LRP1B: variants seen among roughly 807,000 people sequenced by gnomAD.
The protein encoded by LRP1B is low-density lipoprotein receptor-related protein 1B.
In LRP1B, 217 loss-of-function variants were observed where a neutral mutation model predicts 556.6. The ratio of observed to expected loss-of-function variants is 0.39; its 90% CI spans 0.35 to 0.44. LRP1B has a LOEUF of 0.44. Among genes scored for constraint, LRP1B ranks in the 20% least tolerant of loss-of-function variants. The pLI, the probability that LRP1B is intolerant of heterozygous loss-of-function variation, is 1.00. For missense variants in LRP1B, 5,053 were observed against 5,620.8 expected (o/e 0.90, Z 3.23); for synonymous variants, 2,047 against 1,865.8 (o/e 1.10, Z -2.50).
At chr2:140,548,855 G>T (rs1680442499) in intron 43 of LRP1B, among the ~76,000 whole-genome samples, 2 of 152,154 alleles carry the variant, frequency 1.3e-5, no homozygotes, top group South Asian at 2.1e-4. Flanking sequence ...AACCCGGGAG[G>T]CAAAGGTTGC....
At chr2:140,700,715 T>A (rs571009638) in intron 40 of LRP1B, 94 bp from the exon 41 acceptor site, 1 of 1,266,864 alleles carries the variant, frequency 7.9e-7, no homozygotes, top group African/African-American at 1.5e-5. Flanking sequence ...AAAACTTTGA[T>A]GTTGAATATT....
At position 140,485,486 on chromosome 2, in the gene LRP1B, G is replaced by T. The variant is rs566959323; in HGVS notation, c.9282C>A (p.Val3094=). Residue 3094 remains valine (V), a synonymous_variant, in exon 59 of 91, where the codon GTC becomes GTA. Coordinates refer to ENST00000389484, the MANE Select transcript of LRP1B (RefSeq NM_018557.3). ...HNTAVPNALA[V]DWIGKNLYWS... ...AATAGAGGTTTTTTCCAATCCAATCGACAGCAAGTGCATTGGGGACCGCTG... is the reference window on the plus strand; with the variant it reads ...AATAGAGGTTTTTTCCAATCCAATCTACAGCAAGTGCATTGGGGACCGCTG... The T allele has an allele frequency of 1.1e-5, 18 of 1,613,582 alleles. No individual in the cohort carries two copies. The highest frequency in any genetic ancestry group is 1.5e-5 in the Non-Finnish European group (18 of 1,179,746).
intron 20 of LRP1B, among the ~76,000 whole-genome samples, chr2:140,941,631 A>G (rs1695406243): frequency 1.3e-5 from 2 of 152,196 alleles, no homozygotes; most frequent in Non-Finnish European, 2.9e-5. Flanking sequence ...TTCAACATGC[A>G]ATACCAGTGA....
chr2:140,533,062 C>T (rs1420450576), intron 47 of LRP1B, among the ~76,000 whole-genome samples: 1 of 150,946 alleles, frequency 6.6e-6, no homozygotes. Flanking sequence ...GCATTGCACT[C>T]AATAAAGTGT....
chr2:142,026,443 A>G (rs188961414), intron 1 of LRP1B, among the ~76,000 whole-genome samples: 248 of 152,208 alleles, frequency 1.6e-3, no homozygotes, highest in African/African-American at 5.7e-3. Flanking sequence ...AATCTATGTG[A>G]TAAATAACAC....
intron 41 of LRP1B, among the ~76,000 whole-genome samples, chr2:140,624,503 G>A (rs1431515596): frequency 1.3e-5 from 2 of 152,052 alleles, no homozygotes; most frequent in African/African-American, 4.8e-5. Context: ...CCCCACCCCA[G>A]GTTAATATCC....
At chr2:140,432,611 C>T (rs1332037370) in intron 66 of LRP1B, among the ~76,000 whole-genome samples, 2 of 152,192 alleles carry the variant, frequency 1.3e-5, no homozygotes, top group Non-Finnish European at 2.9e-5. Context: ...GATCTGCTTC[C>T]TGAAGTAGAA....
At chr2:141,421,495 C>G (rs2104964316) in intron 3 of LRP1B, among the ~76,000 whole-genome samples, 1 of 146,294 alleles carries the variant, frequency 6.8e-6, no homozygotes, top group South Asian at 2.2e-4. Flanking sequence ...CGCCACTGCA[C>G]TCCAGCCTGG....
intron 7 of LRP1B, among the ~76,000 whole-genome samples, chr2:141,162,658 A>T (rs1450366061): frequency 3.3e-5 from 5 of 152,160 alleles, no homozygotes; most frequent in Non-Finnish European, 7.4e-5. Context: ...CAAAATAACT[A>T]AAGAGACTTC....
chr2:140,970,581 T>C (rs971193073), intron 18 of LRP1B, among the ~76,000 whole-genome samples: 1 of 152,074 alleles, frequency 6.6e-6, no homozygotes, highest in Non-Finnish European at 1.5e-5. Flanking sequence ...CGTTCCTCAG[T>C]TGGAAATGCA....
At chr2:141,096,859 G>T (rs1365233086) in intron 7 of LRP1B, among the ~76,000 whole-genome samples, 2 of 152,082 alleles carry the variant, frequency 1.3e-5, no homozygotes, top group Non-Finnish European at 2.9e-5. Context: ...ACTTCCGGAG[G>T]CCTGTAGAAA....
chr2:141,204,754 T>C (rs373591734), intron 6 of LRP1B, among the ~76,000 whole-genome samples: 3 of 152,058 alleles, frequency 2.0e-5, no homozygotes, highest in African/African-American at 7.2e-5. Flanking sequence ...CTGGCCAAGA[T>C]GGTGAAACCC....
At position 141,351,543 on chromosome 2, in the gene LRP1B, G is replaced by A. The variant is rs75861401; in HGVS notation, c.344-96902C>T. 2.7e-3 allele frequency among the ~76,000 whole-genome samples: 410 copies of A among 151,996 alleles called. 2 individuals carry two copies. The East Asian group carries it at 0.027, about 10-fold the overall frequency. On this transcript the variant is annotated intron_variant, in intron 3 of 90. Coordinates refer to ENST00000389484, the MANE Select transcript of LRP1B (RefSeq NM_018557.3). ...TTTCTCTCAGGAAGTTTTCCCTGAC[G>A]ACCAGAATCCATTGTGTAACCCTCA...
intron 66 of LRP1B, among the ~76,000 whole-genome samples, chr2:140,398,153 A>G (rs1684334141): frequency 6.6e-6 from 1 of 152,202 alleles, no homozygotes; most frequent in African/African-American, 2.4e-5. Flanking sequence ...TTATAACCAC[A>G]GTTAGCAAAT....
intron 43 of LRP1B, among the ~76,000 whole-genome samples, chr2:140,589,331 T>C (rs1184095892): frequency 1.3e-5 from 2 of 152,046 alleles, no homozygotes; most frequent in African/African-American, 4.8e-5. Context: ...AAATAACTCA[T>C]AAACTGTAAG....
intron 65 of LRP1B, 94 bp from the exon 66 acceptor site, chr2:140,442,717 C>A: frequency 8.0e-7 from 1 of 1,247,508 alleles, no homozygotes; most frequent in South Asian, 1.4e-5. Flanking sequence ...GACAGTTTAT[C>A]GAAAAATGTA....
At chr2:140,630,844 T>C (rs1438433291) in intron 41 of LRP1B, among the ~76,000 whole-genome samples, 1 of 152,174 alleles carries the variant, frequency 6.6e-6, no homozygotes, top group Non-Finnish European at 1.5e-5. Context: ...GTGTCTCACC[T>C]AAGGAGTTGG....
intron 1 of LRP1B, among the ~76,000 whole-genome samples, chr2:141,940,879 C>A (rs970224016): frequency 1.3e-5 from 2 of 152,160 alleles, no homozygotes; most frequent in Non-Finnish European, 2.9e-5. Flanking sequence ...AGATGCCAAA[C>A]CTTGTCTGCA....
At chr2:141,620,503 C>T (rs1173090338) in intron 2 of LRP1B, among the ~76,000 whole-genome samples, 1 of 152,132 alleles carries the variant, frequency 6.6e-6, no homozygotes, top group African/African-American at 2.4e-5. Flanking sequence ...AGGTTTTATT[C>T]TCTCTCTAGA....
Sources: gnomAD v4.1 joint callset for allele counts (sites outside exome capture counted in the v4.1 genomes callset) on GRCh38, gnomAD v4.1.1 for gene constraint, MANE v1.5 for transcripts, NCBI Gene and HGNC (gene_info 2026-07-23, HGNC 2026-07-21) for gene names.